Variants in THNSL1 observed in about 807,000 individuals in gnomAD.
THNSL1 encodes threonine synthase like 1, also known as threonine synthase-like 1.
THNSL1 carries 48 observed loss-of-function variants against 50.4 expected under a neutral mutation model. That is an observed-to-expected ratio of 0.95 (90% confidence interval 0.76 to 1.21). The LOEUF is 1.21. THNSL1 is among the 50% of genes most tolerant of loss of function. The probability of loss-of-function intolerance (pLI) is 0.00; values close to 1 mark genes in which losing one functional copy is unlikely to be tolerated. For missense variants in THNSL1, 896 were observed against 871.7 expected (o/e 1.03, Z -0.35); for synonymous variants, 309 against 306.1 (o/e 1.01, Z -0.10).
At chr10:24,969,382 C>A in the THNSL1 span, among the ~76,000 whole-genome samples, 2 of 152,128 alleles carry the variant, frequency 1.3e-5, no homozygotes, top group African/African-American at 4.8e-5. Flanking sequence ...CACAGAACTA[C>A]AGAATCAATA....
chr10:25,025,377 G>A lies in THNSL1; in HGVS notation c.2154G>A (p.Met718Ile). 6.2e-7 allele frequency: 1 copy of A among 1,614,202 alleles called. No individual in the cohort carries two copies. The highest frequency in any genetic ancestry group is 8.5e-7 in the Non-Finnish European group (1 of 1,180,038). Residue 718 changes from methionine (M) to isoleucine (I), a missense_variant, in exon 3 of 3, where the codon ATG (methionine) becomes ATA (isoleucine). Met to Ile is a conservative substitution (Grantham distance 10). Transcript: ENST00000376356. ...LLERTKQQEK[M>I]EYQVCAADMN... ...AGAGAACAAAACAGCAAGAGAAGAT[G>A]GAGTACCAGGTCTGTGCAGCTGATA...
chr10:24,989,582 C>T, the THNSL1 span, among the ~76,000 whole-genome samples: 1 of 152,338 alleles, frequency 6.6e-6, no homozygotes, highest in Admixed American at 6.5e-5. Flanking sequence ...CAATACTCCA[C>T]TGCAGATATT....
chr10:24,997,573 G>C, the THNSL1 span, among the ~76,000 whole-genome samples: 1 of 151,784 alleles, frequency 6.6e-6, no homozygotes, highest in Admixed American at 6.6e-5. Context: ...ATTTTTTATA[G>C]AGATAGGGTC....
At chr10:24,968,384 G>A in the THNSL1 span, among the ~76,000 whole-genome samples, 1 of 152,062 alleles carries the variant, frequency 6.6e-6, no homozygotes, top group South Asian at 2.1e-4. Context: ...TAGCCAACAA[G>A]GCAGCCTTAA....
chr10:25,003,680 C>A, the THNSL1 span, among the ~76,000 whole-genome samples: 1 of 152,070 alleles, frequency 6.6e-6, no homozygotes, highest in Non-Finnish European at 1.5e-5. Flanking sequence ...ATAATTGGCT[C>A]TATTTTCTTT....
chr10:24,990,651 G>T, the THNSL1 span: 1 of 1,560,634 alleles, frequency 6.4e-7, no homozygotes, highest in South Asian at 1.2e-5. Flanking sequence ...TATTTTGTAT[G>T]CAATCTTACA....
the THNSL1 span, among the ~76,000 whole-genome samples, chr10:24,996,450 G>A: frequency 6.8e-6 from 1 of 146,258 alleles, no homozygotes; most frequent in Non-Finnish European, 1.5e-5. Context: ...GTGTGTGTGT[G>A]TGTGTGTATA....
intron 2 of THNSL1, 72 bp downstream of exon 2, chr10:25,021,980 A>G (rs953424751): frequency 6.6e-6 from 1 of 152,214 alleles, no homozygotes; most frequent in African/African-American, 2.4e-5. Context: ...AGTAGCATAG[A>G]AAGTCAGTAT....
chr10:25,024,886 A>G lies in THNSL1; in HGVS notation c.1663A>G (p.Lys555Glu). ...AGGACATTATGATCTAAGGGAAAGAAAACTAGCACAAACCTTTTCACCGTC... is the reference window on the plus strand; with the variant it reads ...AGGACATTATGATCTAAGGGAAAGAGAACTAGCACAAACCTTTTCACCGTC... ...KTGHYDLRER[K>E]LAQTFSPSID... Residue 555 changes from lysine (K) to glutamate (E), a missense_variant, in exon 3 of 3, where the codon AAA (lysine) becomes GAA (glutamate). Coordinates refer to ENST00000376356, the MANE Select transcript of THNSL1 (RefSeq NM_024838.5). 6.2e-7 allele frequency: 1 copy of G among 1,613,994 alleles called. No individual in the cohort carries two copies. Among genetic ancestry groups the G allele is most frequent in the Non-Finnish European group, 8.5e-7 (1 of 1,180,034 alleles).
chr10:25,011,080 A>G, the THNSL1 span, among the ~76,000 whole-genome samples: 749 of 149,022 alleles, frequency 5.0e-3, 5 homozygotes, highest in African/African-American at 0.017. Context: ...AAGTGTTCCT[A>G]TTTCTCCACA....
At chr10:24,961,207 G>GTTCT in the THNSL1 span, among the ~76,000 whole-genome samples, 1 of 152,162 alleles carries the variant, frequency 6.6e-6, no homozygotes. Context: ...ACAGGCTGTA[G>GTTCT]TTCTGTTCCC....
At chr10:25,015,903 T>C, upstream of THNSL1, 1 of 1,608,094 alleles carries the variant, frequency 6.2e-7, no homozygotes, top group Non-Finnish European at 8.5e-7. Flanking sequence ...GGTATGAGGT[T>C]ATAAATGCAC....
the THNSL1 span, among the ~76,000 whole-genome samples, chr10:24,977,722 A>G: frequency 6.6e-6 from 1 of 152,190 alleles, no homozygotes; most frequent in Non-Finnish European, 1.5e-5. Flanking sequence ...GAATATACAT[A>G]TGTGTGTATG....
chr10:25,025,724 A>C lies in THNSL1; in HGVS notation c.*269A>C. ...GCTCATGAGGGGTGTATCAATTTCC[A>C]CTCCCACACCCTCACTGTTATGTGG... On this transcript the variant is annotated 3_prime_UTR_variant, in exon 3 of 3. Transcript: ENST00000376356. The C allele has an allele frequency of 2.7e-6, 1 of 373,684 alleles. No individual in the cohort carries two copies. Among genetic ancestry groups the C allele is most frequent in the South Asian group, 5.5e-5 (1 of 18,348 alleles). The allele number at this position is 373,684 out of a possible 1,614,324, so 23.1% of individuals were successfully genotyped here. A position where few individuals can be genotyped will look rare whatever the true frequency, so the allele number is the denominator to read the frequency against.
Position 25,025,092 on chromosome 10 carries a change from G to A in THNSL1, c.1869G>A (p.Glu623=), listed in dbSNP as rs1253030088. The A allele has an allele frequency of 1.2e-6, 2 of 1,614,160 alleles. No homozygotes were observed. Among genetic ancestry groups the A allele is most frequent in the East Asian group, 2.2e-5 (1 of 44,866 alleles). The change falls in exon 3 of 3, where the codon GAG becomes GAA. Residue 623 remains glutamate (E), a synonymous_variant. Transcript: ENST00000376356. ...DFVADWCSEG[E]CLAAINSTYN... Reference sequence around the variant, plus strand: ...TAGCTGACTGGTGCTCTGAGGGAGAGTGCCTAGCAGCTATTAACTCCACCT... The same window carrying A: ...TAGCTGACTGGTGCTCTGAGGGAGAATGCCTAGCAGCTATTAACTCCACCT...
At chr10:24,978,539 T>G in the THNSL1 span, among the ~76,000 whole-genome samples, 2 of 151,856 alleles carry the variant, frequency 1.3e-5, no homozygotes, top group Admixed American at 1.3e-4. Flanking sequence ...ACTGGCTTCC[T>G]AGAGAGACCA....
rs1303863317 is a variant in THNSL1 at position 25,025,267 on chromosome 10, A to G, written c.2044A>G (p.Lys682Glu). Reference sequence around the variant, plus strand: ...TGCTATCATGCAGGCTTTAAAGATTAAAGAAATCAATGAGACTTCATCAAG... The same window carrying G: ...TGCTATCATGCAGGCTTTAAAGATTGAAGAAATCAATGAGACTTCATCAAG... ...APAIMQALKI[K>E]EINETSSSQL... Residue 682 changes from lysine to glutamate, a missense_variant, in exon 3 of 3, where the codon AAA becomes GAA. Physicochemically the swap from Lys to Glu is moderately conservative, Grantham distance 56 (BLOSUM62 1). Transcript: ENST00000376356. 6.2e-7 allele frequency: 1 copy of G among 1,614,126 alleles called. No individual in the cohort carries two copies. Among genetic ancestry groups the G allele is most frequent in the African/African-American group, 1.3e-5 (1 of 74,950 alleles).
At chr10:25,004,250 G>A in the THNSL1 span, among the ~76,000 whole-genome samples, 1 of 152,180 alleles carries the variant, frequency 6.6e-6, no homozygotes. Flanking sequence ...GCATGCATGT[G>A]TCTTTATAAT....
chr10:24,957,248 A>G, the THNSL1 span, among the ~76,000 whole-genome samples: 2 of 152,302 alleles, frequency 1.3e-5, no homozygotes, highest in East Asian at 1.9e-4. Context: ...AAGTGAGATC[A>G]TGTCGTATTT....
Sources: allele counts gnomAD v4.1 joint callset (sites outside exome capture counted in the v4.1 genomes callset), GRCh38; gene constraint gnomAD v4.1.1; transcripts MANE v1.5; gene names NCBI Gene and HGNC (gene_info 2026-07-23, HGNC 2026-07-21).